DCLK1: variants seen among roughly 807,000 people sequenced by gnomAD.
The protein encoded by DCLK1 is doublecortin like kinase 1, also known as serine/threonine-protein kinase DCLK1.
A neutral mutation model predicts 86.2 loss-of-function variants in DCLK1; 16 were observed. That is an observed-to-expected ratio of 0.19 (90% CI 0.13 to 0.28). The LOEUF is 0.28. DCLK1 is among the 10% of genes least tolerant of loss of function. The pLI is 1.00. For synonymous variants in DCLK1, 369 were observed against 370.5 expected (o/e 1.00, Z 0.05); for missense variants, 590 against 940.2 (o/e 0.63, Z 4.87).
chr13:35,976,112 G>A (rs1382959714), intron 3 of DCLK1, among the ~76,000 whole-genome samples: 1 of 152,154 alleles, frequency 6.6e-6, no homozygotes, highest in South Asian at 2.1e-4. Context: ...TTTCCTCGGG[G>A]TTCCAAGCCA....
intron 4 of DCLK1, among the ~76,000 whole-genome samples, chr13:35,888,305 T>A (rs1048780736): frequency 6.6e-6 from 1 of 152,218 alleles, no homozygotes; most frequent in African/African-American, 2.4e-5. Flanking sequence ...CTATTCCAAA[T>A]GACAGACATT....
chr13:35,945,898 T>C (rs1371669342), intron 4 of DCLK1, among the ~76,000 whole-genome samples: 1 of 152,198 alleles, frequency 6.6e-6, no homozygotes, highest in Non-Finnish European at 1.5e-5. Flanking sequence ...CTAGTTATGG[T>C]CCTTGAACCA....
intron 3 of DCLK1, among the ~76,000 whole-genome samples, chr13:35,994,325 G>C (rs367702223): frequency 2.0e-5 from 3 of 152,270 alleles, no homozygotes; most frequent in East Asian, 3.9e-4. Context: ...GTGAAAACAG[G>C]AAAGTGGTTC....
rs1228347026 is a variant in DCLK1, at chr13:35,947,402, G to A, written c.779C>T (p.Pro260Leu). 5 of 1,613,298 alleles carry A rather than the reference G, an allele frequency of 3.1e-6. No homozygotes were observed. The highest frequency in any genetic ancestry group is 4.2e-6 in the Non-Finnish European group (5 of 1,179,744). The change falls in exon 4 of 17, where the codon CCG (proline) becomes CTG (leucine). Residue 260 changes from proline (P) to leucine (L), a missense_variant. Coordinates refer to ENST00000360631, the MANE Select transcript of DCLK1 (RefSeq NM_001330071.2). ...GDDDIFIACG[P>L]EKFRYQDDFL... ...ATCATCCTGGTAACGGAACTTCTCC[G>A]GTCCACATGCAATAAAAATGTCATC...
intron 4 of DCLK1, among the ~76,000 whole-genome samples, chr13:35,916,654 C>A (rs187744530): frequency 3.3e-4 from 50 of 152,132 alleles, no homozygotes; most frequent in African/African-American, 1.2e-3. Flanking sequence ...CTGTAGATAC[C>A]CTTTCCTTAG....
At chr13:35,854,648 T>C (rs779965635) in intron 5 of DCLK1, 55 bp from the exon 6 acceptor site, 1 of 1,437,720 alleles carries the variant, frequency 7.0e-7, no homozygotes. Flanking sequence ...ATAATTTTCA[T>C]GACAAATCAT....
intron 3 of DCLK1, among the ~76,000 whole-genome samples, chr13:36,092,864 A>C (rs1302788673): frequency 6.6e-6 from 1 of 152,138 alleles, no homozygotes; most frequent in Non-Finnish European, 1.5e-5. Context: ...ACTAAATTCT[A>C]TGAATTCTAC....
rs558698920 is a variant in DCLK1, at chr13:35,910,346, G to GA, written c.823+37011dup. On this transcript the variant is annotated intron_variant, in intron 4 of 16. Transcript: ENST00000360631. ...TACAGGAGATGAATGAAAGTGCATA[G>GA]AAGACAAAAGAATGTGATAATAACA... Among the ~76,000 whole-genome samples the GA allele has an allele frequency of 2.7e-4, 41 of 152,292 alleles. 2 individuals carry two copies. In the South Asian group the frequency reaches 7.9e-3, roughly 29 times the overall value.
Position 35,982,407 on chromosome 13 carries a change from A to AGG in DCLK1, c.724-34952_724-34951dup, listed in dbSNP as rs1335523599. On this transcript the variant is annotated intron_variant, in intron 3 of 16. Transcript: ENST00000360631. The stretch of plus-strand genomic sequence containing the variant: ...AGAGAAAGAAAAGAAAAGAAAAGAA[A>AGG]GGGAGAGAGAGAGAGAGAGAGAGAG... Among the ~76,000 whole-genome samples the AGG allele has an allele frequency of 1.4e-3, 138 of 96,048 alleles. 1 individual carries two copies. Among genetic ancestry groups the AGG allele is most frequent in the African/African-American group, 5.0e-3 (134 of 26,650 alleles). The allele number at this position is 96,048 out of a possible 152,430, so 63.0% of individuals were successfully genotyped here.
intron 4 of DCLK1, among the ~76,000 whole-genome samples, chr13:35,940,486 G>T (rs1877025763): frequency 6.6e-6 from 1 of 152,098 alleles, no homozygotes; most frequent in Admixed American, 6.6e-5. Flanking sequence ...TGTGGTCTTT[G>T]TCCTGACTGT....
chr13:35,902,173 A>C (rs1289642133), intron 4 of DCLK1, among the ~76,000 whole-genome samples: 1 of 152,246 alleles, frequency 6.6e-6, no homozygotes, highest in Non-Finnish European at 1.5e-5. Context: ...AAGGAAACTA[A>C]AGCCGAGTAA....
chr13:36,131,625 T>G (rs1887828), upstream of DCLK1, among the ~76,000 whole-genome samples: 58,434 of 151,880 alleles, frequency 0.38, 11,804 homozygotes, highest in East Asian at 0.56. Flanking sequence ...AAGTAGTCTT[T>G]GGGAGATGGG....
rs368248767 is a variant in DCLK1 at position 35,846,913 on chromosome 13, G to A, written c.1035+7586C>T. ...GAGTTTTGAAAGAACATACAGAATC[G>A]CCTTACAGGTTATCTGGCTTTGTTA... On this transcript the variant is annotated intron_variant, in intron 6 of 16. Coordinates refer to ENST00000360631, the MANE Select transcript of DCLK1 (RefSeq NM_001330071.2). 47 of 985,196 alleles carry A rather than the reference G, an allele frequency of 4.8e-5. No individual in the cohort carries two copies. In the African/African-American group the frequency reaches 4.9e-4, roughly 10 times the overall value. 61.0% of individuals were successfully genotyped at this position (985,196 alleles called of 1,614,324 possible).
chr13:36,130,693 A>C (rs1886332901), intron 1 of DCLK1, among the ~76,000 whole-genome samples: 1 of 152,014 alleles, frequency 6.6e-6, no homozygotes, highest in Non-Finnish European at 1.5e-5. Context: ...CACACGGAAA[A>C]GCACACACAC....
rs531385428 is a variant in DCLK1 at position 35,936,313 on chromosome 13, G to T, written c.823+11045C>A. Among the ~76,000 whole-genome samples the T allele has an allele frequency of 3.0e-4, 46 of 152,334 alleles. No homozygotes were observed. In the South Asian group the frequency reaches 9.3e-3, roughly 31 times the overall value. On this transcript the variant is annotated intron_variant, in intron 4 of 16. Coordinates refer to ENST00000360631, the MANE Select transcript of DCLK1 (RefSeq NM_001330071.2). Reference sequence around the variant, plus strand: ...TAGAAGCCAGTTGCAAATGCAATAGGATTGAAAATGAACATTTCACCCAGA... The same window carrying T: ...TAGAAGCCAGTTGCAAATGCAATAGTATTGAAAATGAACATTTCACCCAGA...
intron 4 of DCLK1, among the ~76,000 whole-genome samples, chr13:35,912,592 T>C (rs931292453): frequency 6.6e-6 from 1 of 152,166 alleles, no homozygotes; most frequent in African/African-American, 2.4e-5. Context: ...CTGCCCAACC[T>C]GACCCCTCTC....
At chr13:36,079,611 G>T (rs1884343303) in intron 3 of DCLK1, among the ~76,000 whole-genome samples, 1 of 152,068 alleles carries the variant, frequency 6.6e-6, no homozygotes, top group African/African-American at 2.4e-5. Context: ...CAGCCTGGGG[G>T]ACAAAAGCGA....
intron 4 of DCLK1, among the ~76,000 whole-genome samples, chr13:35,938,648 G>A (rs1044590469): frequency 1.3e-5 from 2 of 151,642 alleles, no homozygotes; most frequent in African/African-American, 2.4e-5. Context: ...AAGCCCTAGC[G>A]GACAGTGGAA....
chr13:36,079,042 C>T (rs1232622475), intron 3 of DCLK1, among the ~76,000 whole-genome samples: 1 of 152,084 alleles, frequency 6.6e-6, no homozygotes, highest in Non-Finnish European at 1.5e-5. Flanking sequence ...AAACACTTTA[C>T]ATTAAAGAAG....
Sources: gnomAD v4.1 joint callset for allele counts (sites outside exome capture counted in the v4.1 genomes callset) on GRCh38, gnomAD v4.1.1 for gene constraint, MANE v1.5 for transcripts, NCBI Gene and HGNC (gene_info 2026-07-23, HGNC 2026-07-21) for gene names.